Variants in FOXP3 observed in about 807,000 individuals in gnomAD.
FOXP3 encodes forkhead box protein P3.
A neutral mutation model predicts 31.2 loss-of-function variants in FOXP3; 5 were observed. That is an observed-to-expected ratio of 0.16 (90% CI 0.08 to 0.34). The LOEUF (loss-of-function observed/expected upper bound fraction) is 0.34. FOXP3 is among the 10% of genes least tolerant of loss of function. The probability of loss-of-function intolerance (pLI) is 1.00; values close to 1 mark genes in which losing one functional copy is unlikely to be tolerated. For missense variants in FOXP3, 251 were observed against 363.0 expected (o/e 0.69, Z 2.51); for synonymous variants, 141 against 148.8 (o/e 0.95, Z 0.38).
Position 49,255,775 on chromosome X carries a change from A to T in FOXP3, c.675T>A (p.Asp225Glu). 1 of 1,208,301 alleles carries T rather than the reference A, an allele frequency of 8.3e-7. No individual in the cohort carries two copies. The highest frequency in any genetic ancestry group is 1.8e-5 in the South Asian group (1 of 56,101). ...LKHCQADHLL[D>E]EKGRAQCLLQ... ...GGAGACATTGTGCCCTGCCCTTCTC[A>T]TCCAGAAGATGGTCCGCCTGGCAGT... The change falls in exon 7 of 12, where the codon GAT (aspartate) becomes GAA (glutamate). Residue 225 changes from aspartate to glutamate, a missense_variant. Coordinates refer to ENST00000376207, the MANE Select transcript of FOXP3 (RefSeq NM_014009.4).
At chrX:49,252,622 GA>G (rs1397409536) in intron 10 of FOXP3, among the ~76,000 whole-genome samples, 1 of 109,456 alleles carries the variant, frequency 9.1e-6, no homozygotes, top group Non-Finnish European at 1.9e-5. Flanking sequence ...GGGATGGGGT[GA>G]TGAAGTTAAG....
chrX:49,261,389 G>C (rs2066109021), intron 1 of FOXP3, among the ~76,000 whole-genome samples: 2 of 112,970 alleles, frequency 1.8e-5, no homozygotes, highest in Admixed American at 1.9e-4. Context: ...GATGGCAACA[G>C]GGGGAGGAGG....
chrX:49,262,722 T>C lies in FOXP3; in HGVS notation c.-23+1939A>G, dbSNP rs143399584. Among the ~76,000 whole-genome samples, 128 of 111,590 alleles carry C rather than the reference T, an allele frequency of 1.1e-3. 2 individuals carry two copies. The East Asian group carries it at 0.025, about 22-fold the overall frequency. On this transcript the variant is annotated intron_variant, in intron 1 of 11. Transcript: ENST00000376207. ...AACCATTGCAGTACATATGAGGAAA[T>C]GGAGGTATGGAGAGGTTAAGTGCCT... is the stretch of plus-strand genomic sequence containing the variant.
chrX:49,261,822 A>G (rs1557117248), intron 1 of FOXP3, among the ~76,000 whole-genome samples: 1 of 111,955 alleles, frequency 8.9e-6, no homozygotes, highest in East Asian at 2.8e-4. Flanking sequence ...TCCCACCTAG[A>G]GTCCTGAGAT....
At chrX:49,263,027 G>A (rs1180522979) in intron 1 of FOXP3, among the ~76,000 whole-genome samples, 1 of 110,861 alleles carries the variant, frequency 9.0e-6, no homozygotes, top group Non-Finnish European at 1.9e-5. Flanking sequence ...TAGAAAAAAA[G>A]CAAATGATGA....
chrX:49,261,785 C>A (rs2066111890), intron 1 of FOXP3, among the ~76,000 whole-genome samples: 1 of 112,022 alleles, frequency 8.9e-6, no homozygotes, highest in East Asian at 2.8e-4. Flanking sequence ...CTGAGGCCTG[C>A]AGTTGGGGAG....
chrX:49,263,056 T>C (rs2066118989), intron 1 of FOXP3, among the ~76,000 whole-genome samples: 1 of 109,954 alleles, frequency 9.1e-6, no homozygotes, highest in Non-Finnish European at 1.9e-5. Context: ...AAATATTTGC[T>C]ATATATGTAA....
At chrX:49,251,544 C>T in intron 11 of FOXP3, 61 bp from the exon 12 acceptor site, 1 of 1,211,184 alleles carries the variant, frequency 8.3e-7, no homozygotes, top group Non-Finnish European at 1.1e-6. Flanking sequence ...GCAGCCACCA[C>T]CAACAACCCA....
Position 49,258,472 on chromosome X carries a change from G to T in FOXP3, c.34C>A (p.Pro12Thr). 8.5e-7 allele frequency: 1 copy of T among 1,181,559 alleles called. No homozygotes were observed. The highest frequency in any genetic ancestry group is 1.9e-5 in the South Asian group (1 of 52,928). The change falls in exon 2 of 12, where the codon CCT becomes ACT. Residue 12 changes from proline to threonine, a missense_variant. Pro to Thr is a conservative substitution (Grantham distance 38). This residue lies in a region of FOXP3 where 152 missense variants were observed against 188.1 expected (regional missense o/e 0.81). Coordinates refer to ENST00000376207, the MANE Select transcript of FOXP3 (RefSeq NM_014009.4). ...GGGGATGGGCCAAGGGCCAAGGAAG[G>T]GGCCGAGGGCTTGCCAGGCCTGGGG... ...PNPRPGKPSAPSLALGPSPGA... is the reference protein window; with the variant it reads ...PNPRPGKPSATSLALGPSPGA...
At chrX:49,264,039 C>A (rs2066126232) in intron 1 of FOXP3, among the ~76,000 whole-genome samples, 1 of 111,533 alleles carries the variant, frequency 9.0e-6, no homozygotes, top group Non-Finnish European at 1.9e-5. Flanking sequence ...AAGCTCTAGG[C>A]TGGATGCTGG....
chrX:49,255,969 T>G (rs901528398), intron 6 of FOXP3, among the ~76,000 whole-genome samples, 167 bp from the exon 7 acceptor site: 2 of 111,184 alleles, frequency 1.8e-5, no homozygotes, highest in Non-Finnish European at 3.8e-5. Context: ...CCTTAACACA[T>G]GCCCCTCAGC....
rs782134231 is a variant in FOXP3 at position 49,251,305 on chromosome X, C to T, written c.*29G>A. The T allele has an allele frequency of 4.2e-6, 5 of 1,200,930 alleles. No individual in the cohort carries two copies. The highest frequency in any genetic ancestry group is 4.5e-6 in the Non-Finnish European group (4 of 889,598). On this transcript the variant is annotated 3_prime_UTR_variant, in exon 12 of 12. Coordinates refer to ENST00000376207, the MANE Select transcript of FOXP3 (RefSeq NM_014009.4). ...GCCTCCCACCAGTTTGGCCCCTGTT[C>T]GTCCATCCTCCTTTCCTTGATCTTG...
intron 4 of FOXP3, 56 bp downstream of exon 4, chrX:49,257,371 A>G: frequency 8.9e-7 from 1 of 1,124,327 alleles, no homozygotes; most frequent in Admixed American, 3.1e-5. Flanking sequence ...CTCACAGCCA[A>G]GGATCTGGGG....
At position 49,258,308 on chromosome X, in the gene FOXP3, T is replaced by C. The variant is rs2066087497; in HGVS notation, c.198A>G (p.Pro66=). The part of the protein sequence containing the change: ...ASSSSLNPMP[P]SQLQLPTLPL... ...CCCAGGGCCTCACCTGCAGCTGCGA[T>C]GGTGGCATGGGGTTCAAGGAAGAAG... Residue 66 remains proline, a synonymous_variant, in exon 2 of 12, where the codon CCA becomes CCG. Transcript: ENST00000376207. 8.6e-7 allele frequency: 1 copy of C among 1,163,035 alleles called. No individual in the cohort carries two copies. The highest frequency in any genetic ancestry group is 1.1e-6 in the Non-Finnish European group (1 of 870,075).
intron 4 of FOXP3, 38 bp from the exon 5 acceptor site, chrX:49,257,050 C>A: frequency 8.9e-7 from 1 of 1,126,313 alleles, no homozygotes; most frequent in Non-Finnish European, 1.2e-6. Context: ...AGGCTGTGGG[C>A]TGGGCTCTGG....
At chrX:49,256,557 G>A (rs782723016) in intron 6 of FOXP3, among the ~76,000 whole-genome samples, 194 bp downstream of exon 6, 9 of 112,348 alleles carry the variant, frequency 8.0e-5, no homozygotes, top group African/African-American at 2.9e-4. Context: ...GAAAACTGAG[G>A]TCGAGAGAAG....
rs782790294 is a variant in FOXP3, at chrX:49,252,852, GCTGAGGTGGACAT to G, written c.1044+261_1044+273del. On this transcript the variant is annotated intron_variant, in intron 10 of 11. Coordinates refer to ENST00000376207, the MANE Select transcript of FOXP3 (RefSeq NM_014009.4). ...GGTCCAGGAGAGGGTTAGGTATGGG[GCTGAGGTGGACAT>G]CTGGAAAGGGGTAGGTTTAGGGTCA... 2.7e-5 allele frequency among the ~76,000 whole-genome samples: 3 copies of G among 110,332 alleles called. No homozygotes were observed. In the South Asian group the frequency reaches 1.2e-3, roughly 43 times the overall value.
In FOXP3 at chrX:49,250,867, G is replaced by A. The variant is rs1211542333; in HGVS notation, c.*467C>T. 1.8e-5 allele frequency: 4 copies of A among 225,159 alleles called. No homozygotes were observed. Among genetic ancestry groups the A allele is most frequent in the South Asian group, 1.2e-4 (2 of 17,270 alleles). The allele number at this position is 225,159 out of a possible 1,213,427, so 18.6% of individuals were successfully genotyped here. On this transcript the variant is annotated 3_prime_UTR_variant, in exon 12 of 12. Coordinates refer to ENST00000376207, the MANE Select transcript of FOXP3 (RefSeq NM_014009.4). Reference sequence around the variant, plus strand: ...TGTGTGGGTTGTCAGGGCTGTGCTTGTGTGTGATTGTGTGATGATGCAGCT... The same window carrying A: ...TGTGTGGGTTGTCAGGGCTGTGCTTATGTGTGATTGTGTGATGATGCAGCT...
At chrX:49,261,559 A>G (rs1435736848) in intron 1 of FOXP3, among the ~76,000 whole-genome samples, 11 of 112,446 alleles carry the variant, frequency 9.8e-5, no homozygotes, top group African/African-American at 3.2e-4. Flanking sequence ...AGCCTGACTG[A>G]CTGACATGCC....
Sources: allele counts gnomAD v4.1 joint callset (sites outside exome capture counted in the v4.1 genomes callset), GRCh38; gene constraint gnomAD v4.1.1; regional missense constraint gnomAD v4.1.1; transcripts MANE v1.5; gene names NCBI Gene and HGNC (gene_info 2026-07-23, HGNC 2026-07-21).